Variants in BRAF observed in about 807,000 individuals in gnomAD.
BRAF encodes the protein serine/threonine-protein kinase B-raf.
A neutral mutation model predicts 104.6 loss-of-function variants in BRAF; 16 were observed. That is an observed-to-expected ratio of 0.15 (90% CI 0.10 to 0.23). The LOEUF (loss-of-function observed/expected upper bound fraction) is 0.23, where lower values mean the gene tolerates loss of function less well. Among genes scored for constraint, BRAF ranks in the 10% least tolerant of loss-of-function variants. The pLI, the probability that BRAF is intolerant of heterozygous loss-of-function variation, is 1.00. For synonymous variants in BRAF, 310 were observed against 341.6 expected (o/e 0.91, Z 1.02); for missense variants, 541 against 937.3 (o/e 0.58, Z 5.52).
At chr7:140,901,973 T>G (rs1277487978) in intron 1 of BRAF, among the ~76,000 whole-genome samples, 1 of 152,258 alleles carries the variant, frequency 6.6e-6, no homozygotes, top group Non-Finnish European at 1.5e-5. Context: ...AATATTTATT[T>G]TTTATGCTTA....
At chr7:140,914,730 C>T (rs540316676) in intron 1 of BRAF, among the ~76,000 whole-genome samples, 3 of 151,922 alleles carry the variant, frequency 2.0e-5, no homozygotes, top group South Asian at 2.1e-4. Context: ...CCAGAAATTA[C>T]GCTAACAAGA....
At position 140,924,432 on chromosome 7, in the gene BRAF, C is replaced by A; in HGVS notation, c.138+134G>T. 7.4e-7 allele frequency: 1 copy of A among 1,348,690 alleles called. No individual in the cohort carries two copies. Among genetic ancestry groups the A allele is most frequent in the Non-Finnish European group, 1.0e-6 (1 of 987,234 alleles). 83.5% of individuals were successfully genotyped at this position (1,348,690 alleles called of 1,614,324 possible). ...AGAGGGACACGGGGGCGATGCCCAC[C>A]TCCCAGCCCGCGGAGCTGGCCCGAG... On this transcript the variant is annotated intron_variant, in intron 1 of 19. Coordinates refer to ENST00000644969, the MANE Select transcript of BRAF (RefSeq NM_001374258.1). The surrounding 1 kb of genome is among the most constrained non-coding windows in gnomAD (Gnocchi z 4.2).
intron 1 of BRAF, among the ~76,000 whole-genome samples, chr7:140,870,631 G>GAA (rs764060432): frequency 1.4e-4 from 14 of 99,330 alleles, no homozygotes; most frequent in Admixed American, 2.1e-4. Context: ...AGGTTAACTA[G>GAA]AAAAAAAAAA....
At chr7:140,775,064 A>G (rs1035467568) in intron 14 of BRAF, among the ~76,000 whole-genome samples, 3 of 152,170 alleles carry the variant, frequency 2.0e-5, no homozygotes, top group Admixed American at 2.0e-4. Flanking sequence ...AAGAAAATCA[A>G]GCCTATGGGT....
rs543415172 is a variant in BRAF, at chr7:140,763,361, C to T, written c.1815-9128G>A. On this transcript the variant is annotated intron_variant, in intron 14 of 19. Transcript: ENST00000644969. ...CTGACCCCCCCACCTCCCTCCCGGA[C>T]GGGGCAGCTGGCTGGGCAGAGGGGC... 5.8e-3 allele frequency among the ~76,000 whole-genome samples: 836 copies of T among 143,056 alleles called. 8 individuals carry two copies. Among genetic ancestry groups the T allele is most frequent in the African/African-American group, 0.021 (789 of 38,106 alleles). The allele number at this position is 143,056 out of a possible 152,430, so 93.9% of individuals were successfully genotyped here.
At chr7:140,809,704 T>C (rs1359549869) in intron 3 of BRAF, among the ~76,000 whole-genome samples, 1 of 152,118 alleles carries the variant, frequency 6.6e-6, no homozygotes, top group Non-Finnish European at 1.5e-5. Context: ...CAGAGAAAAG[T>C]CCTTGTTTCT....
At chr7:140,828,547 G>T (rs1806338147) in intron 3 of BRAF, among the ~76,000 whole-genome samples, 1 of 152,178 alleles carries the variant, frequency 6.6e-6, no homozygotes, top group South Asian at 2.1e-4. Flanking sequence ...AGTAATATCA[G>T]AGTTTCCAAC....
intron 1 of BRAF, among the ~76,000 whole-genome samples, chr7:140,857,501 G>T (rs1207181562): frequency 2.0e-5 from 3 of 152,110 alleles, no homozygotes; most frequent in Non-Finnish European, 4.4e-5. Context: ...CATAGAAAAT[G>T]AACACAGATG....
intron 7 of BRAF, chr7:140,800,109 T>C (rs1562965713): frequency 3.8e-6 from 2 of 527,220 alleles, no homozygotes; most frequent in East Asian, 3.3e-5. Context: ...AAGAAGCATG[T>C]CACTGAAGAG....
chr7:140,746,115 T>A (rs1167607179), intron 17 of BRAF, among the ~76,000 whole-genome samples: 1 of 152,160 alleles, frequency 6.6e-6, no homozygotes, highest in African/African-American at 2.4e-5. Context: ...ACCTACAGAT[T>A]CATATTTTAA....
At chr7:140,855,025 T>C (rs1809620805) in intron 1 of BRAF, among the ~76,000 whole-genome samples, 1 of 152,146 alleles carries the variant, frequency 6.6e-6, no homozygotes, top group Admixed American at 6.5e-5. Flanking sequence ...TCAGGTTTTT[T>C]ATCTCCCCAA....
chr7:140,801,384 A>G, intron 6 of BRAF, 28 bp downstream of exon 6: 1 of 1,611,624 alleles, frequency 6.2e-7, no homozygotes, highest in South Asian at 1.1e-5. Flanking sequence ...AATGGTAGGT[A>G]GAAAAGAGAT....
In BRAF at chr7:140,924,774, G is replaced by A; in HGVS notation, c.-71C>T. On this transcript the variant is annotated 5_prime_UTR_variant, in exon 1 of 20. Coordinates refer to ENST00000644969, the MANE Select transcript of BRAF (RefSeq NM_001374258.1). This position sits in a 1 kb window ranked among gnomAD's most constrained non-coding sequence, Gnocchi z 4.2. ...AGGGGGAAGGGAGGCGGAGAGCTGG[G>A]GGAGGCGGAGGCGGAGGCGGAGGCG... 1 of 586,850 alleles carries A rather than the reference G, an allele frequency of 1.7e-6. No homozygotes were observed. Among genetic ancestry groups the A allele is most frequent in the Non-Finnish European group, 3.0e-6 (1 of 338,104 alleles). The allele number at this position is 586,850 out of a possible 1,614,324, so 36.4% of individuals were successfully genotyped here.
intron 3 of BRAF, among the ~76,000 whole-genome samples, chr7:140,815,322 T>A (rs1000311553): frequency 6.6e-5 from 10 of 151,836 alleles, no homozygotes; most frequent in Middle Eastern, 3.2e-3. Flanking sequence ...TTTTTTTGTA[T>A]TTTTAGTAGA....
intron 7 of BRAF, among the ~76,000 whole-genome samples, chr7:140,798,013 C>T (rs911748460): frequency 2.6e-5 from 4 of 152,128 alleles, no homozygotes; most frequent in Admixed American, 1.3e-4. Flanking sequence ...GGTAAGTATA[C>T]TCACTGCTTA....
chr7:140,892,955 A>G (rs1292424793), intron 1 of BRAF, among the ~76,000 whole-genome samples: 1 of 152,242 alleles, frequency 6.6e-6, no homozygotes, highest in Non-Finnish European at 1.5e-5. Flanking sequence ...GTTAAAAGCT[A>G]AAGGCAGCTG....
At chr7:140,818,639 T>C (rs893969449) in intron 3 of BRAF, among the ~76,000 whole-genome samples, 1 of 152,180 alleles carries the variant, frequency 6.6e-6, no homozygotes, top group Non-Finnish European at 1.5e-5. Flanking sequence ...ATTTTCTAAA[T>C]AAAAAGTTAA....
At chr7:140,734,807 G>GAAAAAAAAAAAAAAAAAAAAAAAA in intron 18 of BRAF, 37 bp from the exon 18 acceptor site, 2 of 870,216 alleles carry the variant, frequency 2.3e-6, no homozygotes, top group Non-Finnish European at 3.0e-6. Context: ...GAAAAAAAAA[G>GAAAAAAAAAAAAAAAAAAAAAAAA]AAAAAAGAAA....
chr7:140,724,362 T>A lies in BRAF; in HGVS notation c.*2132A>T. On this transcript the variant is annotated 3_prime_UTR_variant, in exon 20 of 20. Transcript: ENST00000644969. ...GGGAACACAGCCACATTTAAAAGCATCTAGAGATATATTTAAAAAGAAAAA... is the reference window on the plus strand; with the variant it reads ...GGGAACACAGCCACATTTAAAAGCAACTAGAGATATATTTAAAAAGAAAAA... The A allele has an allele frequency of 9.5e-7, 1 of 1,054,978 alleles. No individual in the cohort carries two copies. Among genetic ancestry groups the A allele is most frequent in the East Asian group, 5.3e-5 (1 of 18,830 alleles). The allele number at this position is 1,054,978 out of a possible 1,614,324, so 65.4% of individuals were successfully genotyped here. A position where few individuals can be genotyped will look rare whatever the true frequency, so the allele number is the denominator to read the frequency against.
Sources: gnomAD v4.1 joint callset for allele counts (sites outside exome capture counted in the v4.1 genomes callset) on GRCh38, gnomAD v4.1.1 for gene constraint, Gnocchi (gnomAD v3.1) non-coding constraint, MANE v1.5 for transcripts, NCBI Gene and HGNC (gene_info 2026-07-23, HGNC 2026-07-21) for gene names.